Variants in AFG2A observed in about 807,000 individuals in gnomAD.
AFG2A encodes AAA ATPase AFG2A.
the AFG2A span, among the ~76,000 whole-genome samples, chr4:123,209,497 A>G: frequency 6.6e-6 from 1 of 151,938 alleles, no homozygotes; most frequent in Non-Finnish European, 1.5e-5. Context: ...AAGTCTGTAT[A>G]AGGATAGAAA....
At chr4:123,254,905 AG>A in the AFG2A span, among the ~76,000 whole-genome samples, 1 of 152,178 alleles carries the variant, frequency 6.6e-6, no homozygotes, top group Non-Finnish European at 1.5e-5. Context: ...TGCTATTTTG[AG>A]GGATCTCTGA....
chr4:123,130,613 G>A, the AFG2A span, among the ~76,000 whole-genome samples: 1 of 152,132 alleles, frequency 6.6e-6, no homozygotes, highest in African/African-American at 2.4e-5. Context: ...TTATTATTGG[G>A]TATTATTCCG....
chr4:123,017,414 A>ATTTTTTTTTTTTT, the AFG2A span, among the ~76,000 whole-genome samples: 5 of 74,716 alleles, frequency 6.7e-5, no homozygotes, highest in African/African-American at 1.4e-4. Flanking sequence ...AGCATGGGAA[A>ATTTTTTTTTTTTT]TTTTTTTTTT....
the AFG2A span, among the ~76,000 whole-genome samples, chr4:123,277,606 G>A: frequency 6.6e-6 from 1 of 152,192 alleles, no homozygotes; most frequent in African/African-American, 2.4e-5. Context: ...GATGTTGGTT[G>A]TGGGTTTGTC....
the AFG2A span, among the ~76,000 whole-genome samples, chr4:123,220,768 G>A: frequency 6.6e-6 from 1 of 152,022 alleles, no homozygotes. Flanking sequence ...AACTTCTTCA[G>A]CTTATAATGG....
the AFG2A span, among the ~76,000 whole-genome samples, chr4:123,305,766 G>A: frequency 6.6e-6 from 1 of 152,146 alleles, no homozygotes; most frequent in Non-Finnish European, 1.5e-5. Flanking sequence ...GCCTGTTTCT[G>A]TTTTGCTAAG....
At chr4:123,052,849 G>C in the AFG2A span, among the ~76,000 whole-genome samples, 1 of 152,214 alleles carries the variant, frequency 6.6e-6, no homozygotes, top group African/African-American at 2.4e-5. Context: ...AAGCCTCTAA[G>C]GTAGGGAAGC....
At chr4:123,146,080 A>G in the AFG2A span, among the ~76,000 whole-genome samples, 7 of 152,278 alleles carry the variant, frequency 4.6e-5, no homozygotes, top group South Asian at 1.5e-3. Flanking sequence ...AGATTTCTCA[A>G]CAACACTAGA....
chr4:123,056,502 C>A, the AFG2A span: 2 of 1,411,458 alleles, frequency 1.4e-6, no homozygotes, highest in South Asian at 1.5e-5. Flanking sequence ...TCCTGTGCAG[C>A]TTCCCTTTTG....
the AFG2A span, among the ~76,000 whole-genome samples, chr4:123,106,089 G>A: frequency 2.6e-5 from 4 of 152,034 alleles, no homozygotes; most frequent in Non-Finnish European, 5.9e-5. Context: ...AATTGCCACA[G>A]CCACCCCAGC....
chr4:123,035,011 T>C, the AFG2A span, among the ~76,000 whole-genome samples: 31 of 152,108 alleles, frequency 2.0e-4, no homozygotes, highest in Non-Finnish European at 3.8e-4. Context: ...CCCATAATGA[T>C]AGTGGAAAGT....
At chr4:123,162,077 G>A in the AFG2A span, among the ~76,000 whole-genome samples, 6 of 152,068 alleles carry the variant, frequency 3.9e-5, no homozygotes, top group Non-Finnish European at 5.9e-5. Context: ...GTTATTCAAA[G>A]GACTGTCCTC....
At chr4:123,067,431 C>T in the AFG2A span, among the ~76,000 whole-genome samples, 1 of 152,024 alleles carries the variant, frequency 6.6e-6, no homozygotes, top group South Asian at 2.1e-4. Context: ...GCAGGGGAAT[C>T]GCTTGAACCC....
chr4:123,214,110 T>A, the AFG2A span, among the ~76,000 whole-genome samples: 2 of 152,154 alleles, frequency 1.3e-5, no homozygotes, highest in African/African-American at 4.8e-5. Context: ...ATAGCTTACA[T>A]GAAATAAATT....
chr4:123,246,234 G>C, the AFG2A span, among the ~76,000 whole-genome samples: 1 of 152,110 alleles, frequency 6.6e-6, no homozygotes, highest in African/African-American at 2.4e-5. Flanking sequence ...TGAAAACATT[G>C]TGCAGTTATA....
the AFG2A span, among the ~76,000 whole-genome samples, chr4:122,977,846 C>T: frequency 6.6e-6 from 1 of 152,176 alleles, no homozygotes; most frequent in African/African-American, 2.4e-5. Flanking sequence ...TCCTGATGAG[C>T]GTCCAGCTCT....
At chr4:122,941,744 T>C in the AFG2A span, among the ~76,000 whole-genome samples, 131,206 of 150,490 alleles carry the variant, frequency 0.87, 57,517 homozygotes, top group East Asian at 0.96. Context: ...AGTTTTTGCC[T>C]ATTCAGTATG....
chr4:123,221,659 T>G, the AFG2A span, among the ~76,000 whole-genome samples: 3 of 152,150 alleles, frequency 2.0e-5, no homozygotes, highest in Non-Finnish European at 4.4e-5. Context: ...GCACAGTGGC[T>G]CACACTTGTA....
At chr4:123,055,718 A>T in the AFG2A span, among the ~76,000 whole-genome samples, 3 of 152,310 alleles carry the variant, frequency 2.0e-5, no homozygotes, top group African/African-American at 7.2e-5. Context: ...GCGCACACAC[A>T]GAGAGAGGGA....
Sources: gnomAD v4.1 joint callset for allele counts (sites outside exome capture counted in the v4.1 genomes callset) on GRCh38, gnomAD v4.1.1 for gene constraint, MANE v1.5 for transcripts, NCBI Gene and HGNC (gene_info 2026-07-23, HGNC 2026-07-21) for gene names.